The following LDAH variants were observed in gnomAD, a reference collection of about 807,000 sequenced individuals.
LDAH encodes the protein lipid droplet-associated hydrolase.
In LDAH, 26 loss-of-function variants were observed where a neutral mutation model predicts 29.6. The observed-to-expected ratio is 0.88, with a 90% CI of 0.64 to 1.22. The LOEUF (loss-of-function observed/expected upper bound fraction) is 1.22, where lower values mean the gene tolerates loss of function less well. LDAH is among the 50% of genes most tolerant of loss of function. The pLI is 0.00. For missense variants in LDAH, 344 were observed against 387.3 expected (o/e 0.89, Z 0.94); for synonymous variants, 117 against 133.0 (o/e 0.88, Z 0.83).
At position 20,778,864 on chromosome 2, in the gene LDAH, C is replaced by G. The variant is rs1000063313; in HGVS notation, c.299-3885G>C. ...TATTACTATAAATGTATACATTTAA[C>G]TATGTATCTGAATCCAAGCAAAACA... On this transcript the variant is annotated intron_variant, in intron 3 of 6. Coordinates refer to ENST00000237822, the MANE Select transcript of LDAH (RefSeq NM_021925.4). Among the ~76,000 whole-genome samples, 37 of 151,836 alleles carry G rather than the reference C, an allele frequency of 2.4e-4. 1 individual carries two copies. Among genetic ancestry groups the G allele is most frequent in the African/African-American group, 8.2e-4 (34 of 41,372 alleles).
At position 20,801,369 on chromosome 2, in the gene LDAH, G is replaced by T; in HGVS notation, c.95C>A (p.Thr32Lys). 1 of 1,614,082 alleles carries T rather than the reference G, an allele frequency of 6.2e-7. No homozygotes were observed. Among genetic ancestry groups the T allele is most frequent in the Non-Finnish European group, 8.5e-7 (1 of 1,179,966 alleles). Residue 32 changes from threonine to lysine, a missense_variant, in exon 2 of 7, where the codon ACA (threonine) becomes AAA (lysine). Thr to Lys is a moderately conservative substitution (Grantham distance 78, BLOSUM62 -1). Coordinates refer to ENST00000237822, the MANE Select transcript of LDAH (RefSeq NM_021925.4). Reference sequence around the variant, plus strand: ...GACACTTTGATCATGAAAGAGGTCTGTCCAGGGCCCACATTTTAGAACCTG... The same window carrying T: ...GACACTTTGATCATGAAAGAGGTCTTTCCAGGGCCCACATTTTAGAACCTG... ...ETQVLKCGPW[T>K]DLFHDQSVKR...
intron 4 of LDAH, among the ~76,000 whole-genome samples, chr2:20,760,857 C>G (rs1668634500): frequency 1.3e-5 from 2 of 152,180 alleles, no homozygotes; most frequent in Non-Finnish European, 2.9e-5. Context: ...AGTCATCAGT[C>G]ATATCCACTT....
rs561105807 is a variant in LDAH at position 20,751,487 on chromosome 2, C to T, written c.469-11282G>A. On this transcript the variant is annotated intron_variant, in intron 4 of 6. Transcript: ENST00000237822. ...GCCAATGAGGAGACTATGAAACAAA[C>T]GTAACTTCTATCTTCAATGAATCTA... Among the ~76,000 whole-genome samples the T allele has an allele frequency of 5.3e-4, 80 of 152,270 alleles. 1 individual carries two copies. The highest frequency in any genetic ancestry group is 1.5e-3 in the African/African-American group (64 of 41,560).
At chr2:20,746,191 C>G (rs762403322) in intron 4 of LDAH, among the ~76,000 whole-genome samples, 13 of 152,234 alleles carry the variant, frequency 8.5e-5, no homozygotes, top group Admixed American at 3.3e-4. Flanking sequence ...CACACAGATT[C>G]CAGACTGGTT....
intron 4 of LDAH, among the ~76,000 whole-genome samples, chr2:20,745,587 A>G (rs1356302551): frequency 6.6e-6 from 1 of 152,230 alleles, no homozygotes. Context: ...TGATTTAGTC[A>G]TTCCACAATA....
At chr2:20,762,414 CAGAGA>C (rs1411324505) in intron 4 of LDAH, among the ~76,000 whole-genome samples, 20 of 152,018 alleles carry the variant, frequency 1.3e-4, no homozygotes, top group African/African-American at 4.6e-4. Flanking sequence ...CCCTAACCAC[CAGAGA>C]AAACTACTAT....
chr2:20,724,758 A>G (rs1665897244), intron 5 of LDAH, among the ~76,000 whole-genome samples: 1 of 152,246 alleles, frequency 6.6e-6, no homozygotes, highest in Non-Finnish European at 1.5e-5. Context: ...ACTAATCATA[A>G]AATGGAAGGT....
intron 3 of LDAH, among the ~76,000 whole-genome samples, chr2:20,778,405 T>C (rs1669960973): frequency 6.6e-6 from 1 of 152,118 alleles, no homozygotes; most frequent in Admixed American, 6.5e-5. Flanking sequence ...TGTCTAATCG[T>C]TCAAATTTGC....
intron 5 of LDAH, 141 bp downstream of exon 5, chr2:20,739,830 A>G: frequency 1.7e-6 from 1 of 603,856 alleles, no homozygotes; most frequent in South Asian, 2.4e-5. Context: ...AATTTTATTT[A>G]TTTCTAGTTT....
intron 3 of LDAH, among the ~76,000 whole-genome samples, chr2:20,778,129 AAG>A (rs1248401532): frequency 2.0e-5 from 3 of 152,212 alleles, no homozygotes; most frequent in Non-Finnish European, 4.4e-5. Flanking sequence ...TCTATGCAGA[AAG>A]AGGAAGACAT....
intron 5 of LDAH, among the ~76,000 whole-genome samples, chr2:20,711,740 C>T (rs62123970): frequency 2.6e-4 from 39 of 152,360 alleles, no homozygotes; most frequent in South Asian, 1.0e-3. Context: ...TTACATCCTG[C>T]GCCTGGCTCA....
At position 20,790,399 on chromosome 2, in the gene LDAH, C is replaced by T. The variant is rs1285032761; in HGVS notation, c.155-1G>A. ...TAAAAGGCAGAAAAACCTGGGTTAC[C>T]TAAGAAAAGAAACACAGACCTTAGA... On this transcript the variant is annotated splice_acceptor_variant, in intron 2 of 6. Transcript: ENST00000237822. LOFTEE classifies it high-confidence loss of function. 4 of 1,611,914 alleles carry T rather than the reference C, an allele frequency of 2.5e-6. No homozygotes were observed. The highest frequency in any genetic ancestry group is 3.4e-6 in the Non-Finnish European group (4 of 1,179,368).
downstream of LDAH, among the ~76,000 whole-genome samples, chr2:20,682,704 G>A (rs1282806196): frequency 1.3e-5 from 2 of 152,192 alleles, no homozygotes; most frequent in East Asian, 1.9e-4. Context: ...GGGCCCTCAT[G>A]ACTCAGACAC....
intron 5 of LDAH, among the ~76,000 whole-genome samples, chr2:20,721,326 T>A (rs998977305): frequency 6.6e-6 from 1 of 152,048 alleles, no homozygotes. Context: ...AAGACCTGAA[T>A]AGAAATTTCT....
intron 1 of LDAH, among the ~76,000 whole-genome samples, chr2:20,811,730 C>A (rs1007344472): frequency 6.6e-6 from 1 of 152,050 alleles, no homozygotes; most frequent in Admixed American, 6.6e-5. Flanking sequence ...GTGATCCACC[C>A]CTCTCGGCCT....
At chr2:20,769,852 A>G (rs1669283877) in intron 4 of LDAH, among the ~76,000 whole-genome samples, 1 of 152,214 alleles carries the variant, frequency 6.6e-6, no homozygotes, top group Non-Finnish European at 1.5e-5. Context: ...GAAAAAAATT[A>G]TAATGTAGTT....
intron 5 of LDAH, among the ~76,000 whole-genome samples, chr2:20,710,600 G>T (rs961134369): frequency 7.7e-6 from 1 of 129,862 alleles, no homozygotes; most frequent in African/African-American, 2.7e-5. Context: ...GTGTGTGTGT[G>T]TGTGTGTATA....
At chr2:20,701,472 C>T (rs1663930138) in intron 6 of LDAH, 98 bp downstream of exon 6, 2 of 980,032 alleles carry the variant, frequency 2.0e-6, no homozygotes, top group African/African-American at 3.2e-5. Context: ...TCTACCAACC[C>T]TTAAAGTCTT....
intron 3 of LDAH, among the ~76,000 whole-genome samples, chr2:20,775,202 T>C (rs997786292): frequency 3.9e-5 from 6 of 152,192 alleles, no homozygotes; most frequent in East Asian, 1.9e-4. Flanking sequence ...CCAATGCTCA[T>C]AGATATTAGG....
Sources: gnomAD v4.1 joint callset for allele counts (sites outside exome capture counted in the v4.1 genomes callset) on GRCh38, gnomAD v4.1.1 for gene constraint, MANE v1.5 for transcripts, NCBI Gene and HGNC (gene_info 2026-07-23, HGNC 2026-07-21) for gene names.